Variants in TIAM1 observed in about 807,000 individuals in gnomAD.
The protein encoded by TIAM1 is TIAM Rac1 associated GEF 1.
A neutral mutation model predicts 163.5 loss-of-function variants in TIAM1; 65 were observed. That is an observed-to-expected ratio of 0.40 (90% CI 0.33 to 0.49). TIAM1 has a LOEUF of 0.49. TIAM1 is among the 20% of genes least tolerant of loss of function. The pLI is 0.77. For missense variants in TIAM1, 1,789 were observed against 2,044.7 expected (o/e 0.87, Z 2.41); for synonymous variants, 833 against 810.1 (o/e 1.03, Z -0.48).
At chr21:31,124,484 G>A (rs374308930) in intron 27 of TIAM1, 38 bp downstream of exon 27, 57 of 1,609,372 alleles carry the variant, frequency 3.5e-5, no homozygotes, top group Admixed American at 5.0e-5. Flanking sequence ...GCGGAGTGGG[G>A]GTGACGGGAA....
At chr21:31,344,437 C>T (rs1416971272), upstream of TIAM1, among the ~76,000 whole-genome samples, 3 of 152,144 alleles carry the variant, frequency 2.0e-5, no homozygotes, top group Admixed American at 2.0e-4. Flanking sequence ...CCACCACATC[C>T]TTGGGGGCAA....
chr21:31,152,651 C>T lies in TIAM1; in HGVS notation c.3351G>A (p.Lys1117=). 6.2e-7 allele frequency: 1 copy of T among 1,614,138 alleles called. No homozygotes were observed. Among genetic ancestry groups the T allele is most frequent in the African/African-American group, 1.3e-5 (1 of 75,014 alleles). The change falls in exon 19 of 28, where the codon AAG becomes AAA. Residue 1117 remains lysine (K), a synonymous_variant. Transcript: ENST00000541036. ...RLVPDLEKLE[K]VDQFKKVLFS... ...CACTATTTACCTTAAATTGATCAAC[C>T]TTCTCAAGCTTTTCCAAATCAGGTA... is the stretch of plus-strand genomic sequence containing the variant.
At chr21:31,228,246 A>ATCTG (rs1569069014) in intron 6 of TIAM1, among the ~76,000 whole-genome samples, 2 of 137,170 alleles carry the variant, frequency 1.5e-5, no homozygotes, top group African/African-American at 5.6e-5. Flanking sequence ...AAAAAAAAAA[A>ATCTG]AAAAAAAAAA....
At chr21:31,285,186 A>AC (rs111964599) in intron 2 of TIAM1, among the ~76,000 whole-genome samples, 6,979 of 150,818 alleles carry the variant, frequency 0.046, 520 homozygotes, top group African/African-American at 0.16. Flanking sequence ...TCCCCAAGCC[A>AC]CCCCCCCAAG....
chr21:31,446,760 GC>G (rs2044640069), intron 2 of TIAM1, among the ~76,000 whole-genome samples: 1 of 152,148 alleles, frequency 6.6e-6, no homozygotes, highest in Admixed American at 6.5e-5. Context: ...ACCCACCAGA[GC>G]GTTTTCGTGC....
At chr21:31,556,370 C>T (rs933048937) in intron 1 of TIAM1, among the ~76,000 whole-genome samples, 3 of 152,310 alleles carry the variant, frequency 2.0e-5, no homozygotes, top group South Asian at 2.1e-4. Context: ...AGAGACAGAG[C>T]GCAATCCTGA....
chr21:31,353,206 C>T (rs1344786367), intron 2 of TIAM1, among the ~76,000 whole-genome samples: 1 of 152,124 alleles, frequency 6.6e-6, no homozygotes, highest in African/African-American at 2.4e-5. Context: ...AGTCCAAAAC[C>T]CTAACAGTGG....
rs1261271145 is a variant in TIAM1 at position 31,210,697 on chromosome 21, GAA to G, written c.2218-484_2218-483del. On this transcript the variant is annotated intron_variant, in intron 10 of 27. Coordinates refer to ENST00000541036, the MANE Select transcript of TIAM1 (RefSeq NM_001353694.2). ...AAAGAAAGAAAGAAAAAGAAAGAAA[GAA>G]AGAAAGAGAAAGAAAGAGAAAGAAA... 7.1e-5 allele frequency among the ~76,000 whole-genome samples: 7 copies of G among 98,482 alleles called. 1 individual carries two copies. In the East Asian group the frequency reaches 1.1e-3, roughly 15 times the overall value. The allele number at this position is 98,482 out of a possible 152,430, so 64.6% of individuals were successfully genotyped here. A position where few individuals can be genotyped will look rare whatever the true frequency, so the allele number is the denominator to read the frequency against.
chr21:31,462,814 C>T (rs1461002001), intron 2 of TIAM1, among the ~76,000 whole-genome samples: 1 of 150,992 alleles, frequency 6.6e-6, no homozygotes, highest in African/African-American at 2.4e-5. Context: ...GCAATCTTCG[C>T]TCACTGCAAC....
rs200030849 is a variant in TIAM1, at chr21:31,290,646, CAAAAAAAAAAAAAAAAAAA to C, written c.-188-13757_-188-13739del. On this transcript the variant is annotated intron_variant, in intron 2 of 27. Transcript: ENST00000541036. ...CCGGTAACAGAGCAAGACTCTATCT[CAAAAAAAAAAAAAAAAAAA>C]AAAAAAAAAAAAATTAGCAACAGAT... is the stretch of plus-strand genomic sequence containing the variant. Among the ~76,000 whole-genome samples, 25 of 63,214 alleles carry C rather than the reference CAAAAAAAAAAAAAAAAAAA, an allele frequency of 4.0e-4. 1 individual carries two copies. Among genetic ancestry groups the C allele is most frequent in the African/African-American group, 1.7e-3 (24 of 14,388 alleles). The allele number at this position is 63,214 out of a possible 152,430, so 41.5% of individuals were successfully genotyped here.
At chr21:31,396,788 T>TA (rs2077079678) in intron 2 of TIAM1, among the ~76,000 whole-genome samples, 1 of 151,682 alleles carries the variant, frequency 6.6e-6, no homozygotes, top group African/African-American at 2.4e-5. Context: ...CCACCTTTAC[T>TA]AAAAATACAA....
At chr21:31,176,310 T>C (rs1051034046) in intron 15 of TIAM1, among the ~76,000 whole-genome samples, 6 of 152,186 alleles carry the variant, frequency 3.9e-5, no homozygotes, top group Admixed American at 1.3e-4. Context: ...TATTCTAGCT[T>C]CCCCTTCACT....
chr21:31,475,238 G>A (rs771206527), intron 1 of TIAM1, among the ~76,000 whole-genome samples: 217 of 151,760 alleles, frequency 1.4e-3, no homozygotes, highest in Non-Finnish European at 2.4e-3. Context: ...TTCCTTTGTA[G>A]AGACAGGGTT....
chr21:31,515,201 C>T (rs1361782061), intron 1 of TIAM1, among the ~76,000 whole-genome samples: 2 of 152,154 alleles, frequency 1.3e-5, no homozygotes, highest in Non-Finnish European at 2.9e-5. Flanking sequence ...ACCCTCCCCA[C>T]GCAGCCCTCA....
intron 2 of TIAM1, among the ~76,000 whole-genome samples, chr21:31,287,252 G>C (rs748514836): frequency 3.3e-5 from 5 of 152,240 alleles, no homozygotes; most frequent in Non-Finnish European, 7.4e-5. Flanking sequence ...GCTACGCTTA[G>C]GGCTATCTAA....
chr21:31,255,939 T>G lies in TIAM1; in HGVS notation c.964-3750A>C, dbSNP rs1410669319. On this transcript the variant is annotated intron_variant, in intron 4 of 27. Coordinates refer to ENST00000541036, the MANE Select transcript of TIAM1 (RefSeq NM_001353694.2). Reference sequence around the variant, plus strand: ...CCAGATTTTCAGGGCACTCACCAGTTGCCATTCCACTGGCAGCTTCCCCAA... The same window carrying G: ...CCAGATTTTCAGGGCACTCACCAGTGGCCATTCCACTGGCAGCTTCCCCAA... Among the ~76,000 whole-genome samples the G allele has an allele frequency of 3.3e-5, 5 of 152,214 alleles. No homozygotes were observed. The East Asian group carries it at 9.6e-4, about 29-fold the overall frequency.
chr21:31,198,272 A>G (rs2085989458), intron 12 of TIAM1, among the ~76,000 whole-genome samples: 1 of 152,180 alleles, frequency 6.6e-6, no homozygotes, highest in Non-Finnish European at 1.5e-5. Flanking sequence ...AAAGGTCAGC[A>G]TAATACTTGT....
At chr21:31,152,400 T>C (rs1482076381) in intron 19 of TIAM1, among the ~76,000 whole-genome samples, 1 of 152,120 alleles carries the variant, frequency 6.6e-6, no homozygotes, top group African/African-American at 2.4e-5. Context: ...AAACAAAAGG[T>C]CAAGGTTGGT....
chr21:31,285,685 AC>A (rs1198937566), intron 2 of TIAM1, among the ~76,000 whole-genome samples: 1 of 151,970 alleles, frequency 6.6e-6, no homozygotes, highest in African/African-American at 2.4e-5. Flanking sequence ...ACATGGTGAA[AC>A]CCTGTCTCTA....
Sources: gnomAD v4.1 joint callset for allele counts (sites outside exome capture counted in the v4.1 genomes callset) on GRCh38, gnomAD v4.1.1 for gene constraint, MANE v1.5 for transcripts, NCBI Gene and HGNC (gene_info 2026-07-23, HGNC 2026-07-21) for gene names.